The following CNTN5 variants were observed in gnomAD, a reference collection of about 807,000 sequenced individuals.
CNTN5 encodes the protein contactin 5.
A neutral mutation model predicts 129.1 loss-of-function variants in CNTN5; 77 were observed. The observed-to-expected ratio is 0.60, with a 90% CI of 0.50 to 0.72. The LOEUF (loss-of-function observed/expected upper bound fraction) is 0.72, where lower values mean the gene tolerates loss of function less well. Among genes scored for constraint, CNTN5 ranks in the 30% least tolerant of loss-of-function variants. The probability of loss-of-function intolerance (pLI) is 0.00; values close to 1 mark genes in which losing one functional copy is unlikely to be tolerated. For missense variants in CNTN5, 1,478 were observed against 1,328.8 expected, an observed-to-expected ratio of 1.11 and a Z score of -1.75; for synonymous variants, 509 against 465.6, an observed-to-expected ratio of 1.09 and a Z score of -1.20.
intron 21 of CNTN5, among the ~76,000 whole-genome samples, chr11:100,315,133 T>C (rs569522505): frequency 1.3e-5 from 2 of 152,256 alleles, no homozygotes; most frequent in Non-Finnish European, 2.9e-5. Flanking sequence ...GTTTTGATAA[T>C]CTTTTCCCTG....
intron 6 of CNTN5, among the ~76,000 whole-genome samples, chr11:99,904,924 G>A (rs1415727447): frequency 6.6e-6 from 1 of 152,200 alleles, no homozygotes; most frequent in East Asian, 1.9e-4. Flanking sequence ...ATGTTTGTCG[G>A]CTGCATAAAT....
chr11:100,111,311 T>A (rs1945651944), intron 13 of CNTN5, among the ~76,000 whole-genome samples: 1 of 152,022 alleles, frequency 6.6e-6, no homozygotes, highest in Non-Finnish European at 1.5e-5. Context: ...CTTTAGACAG[T>A]GAAAAAATGG....
intron 15 of CNTN5, among the ~76,000 whole-genome samples, chr11:100,214,674 A>G (rs923425660): frequency 6.6e-6 from 1 of 152,136 alleles, no homozygotes; most frequent in African/African-American, 2.4e-5. Context: ...TAGTAGTGTC[A>G]TCATGACCCT....
At chr11:99,793,405 C>T (rs377078365) in intron 3 of CNTN5, among the ~76,000 whole-genome samples, 1 of 151,488 alleles carries the variant, frequency 6.6e-6, no homozygotes, top group East Asian at 2.0e-4. Flanking sequence ...GTTTATTAAT[C>T]TTCTGTATGG....
intron 3 of CNTN5, among the ~76,000 whole-genome samples, chr11:99,647,976 G>A (rs1185403062): frequency 2.0e-5 from 3 of 151,786 alleles, no homozygotes. Flanking sequence ...GGTCTACACA[G>A]ATAATTTAAC....
chr11:99,834,602 C>T (rs1012243818), intron 4 of CNTN5, among the ~76,000 whole-genome samples: 6 of 152,112 alleles, frequency 3.9e-5, no homozygotes, highest in East Asian at 3.9e-4. Context: ...AAGAATTACC[C>T]GTAGGTAGTT....
chr11:99,798,830 A>G (rs1020886737), intron 3 of CNTN5, among the ~76,000 whole-genome samples: 16 of 152,290 alleles, frequency 1.1e-4, no homozygotes, highest in African/African-American at 3.6e-4. Context: ...TAGGAATAGC[A>G]TTGAATTTGC....
intron 13 of CNTN5, among the ~76,000 whole-genome samples, chr11:100,084,531 A>C (rs535925285): frequency 6.6e-6 from 1 of 152,292 alleles, no homozygotes; most frequent in Admixed American, 6.5e-5. Flanking sequence ...AGGTTTGGTT[A>C]CAAATTAAAG....
chr11:100,297,853 C>T (rs1951128984), intron 19 of CNTN5, among the ~76,000 whole-genome samples, 158 bp downstream of exon 19: 1 of 151,458 alleles, frequency 6.6e-6, no homozygotes, highest in South Asian at 2.1e-4. Context: ...GCCACGTTAC[C>T]CTGGTTATCT....
At chr11:100,170,670 G>A (rs1437511507) in intron 13 of CNTN5, among the ~76,000 whole-genome samples, 1 of 151,888 alleles carries the variant, frequency 6.6e-6, no homozygotes, top group African/African-American at 2.4e-5. Context: ...ATTCTTGCGT[G>A]TCATCCATAG....
intron 11 of CNTN5, 94 bp from the exon 12 acceptor site, chr11:100,071,611 G>A: frequency 1.1e-6 from 1 of 894,290 alleles, no homozygotes; most frequent in Admixed American, 3.5e-5. Flanking sequence ...TGTATTAATT[G>A]CAAACTTGTT....
At chr11:99,070,355 G>A (rs1396725411) in intron 1 of CNTN5, among the ~76,000 whole-genome samples, 1 of 152,082 alleles carries the variant, frequency 6.6e-6, no homozygotes, top group African/African-American at 2.4e-5. Flanking sequence ...TCTGTGTTCA[G>A]AAATAATGTT....
At chr11:100,277,169 GCT>G (rs1175648193) in intron 18 of CNTN5, among the ~76,000 whole-genome samples, 1 of 152,056 alleles carries the variant, frequency 6.6e-6, no homozygotes, top group Non-Finnish European at 1.5e-5. Context: ...CTTTTGTATG[GCT>G]CAATAATACT....
At chr11:99,941,632 A>T (rs1950440074) in intron 7 of CNTN5, among the ~76,000 whole-genome samples, 1 of 152,032 alleles carries the variant, frequency 6.6e-6, no homozygotes, top group Admixed American at 6.6e-5. Context: ...GATTATTGAT[A>T]GTTCTAGTTA....
intron 15 of CNTN5, among the ~76,000 whole-genome samples, chr11:100,220,525 G>A (rs1418731619): frequency 6.6e-6 from 1 of 152,000 alleles, no homozygotes; most frequent in African/African-American, 2.4e-5. Flanking sequence ...ATAAAGCTAG[G>A]TATTTCCATA....
chr11:99,957,078 G>GTTTT, intron 8 of CNTN5, 69 bp downstream of exon 8: 1 of 1,149,864 alleles, frequency 8.7e-7, no homozygotes, highest in Admixed American at 3.0e-5. Flanking sequence ...ATTAGTGTGT[G>GTTTT]TTTTTTTTTT....
intron 1 of CNTN5, among the ~76,000 whole-genome samples, chr11:99,050,894 AATT>A (rs781292814): frequency 4.5e-4 from 69 of 152,038 alleles, no homozygotes; most frequent in Non-Finnish European, 6.8e-4. Flanking sequence ...AGTCTATAAC[AATT>A]ATTATGTATG....
intron 13 of CNTN5, among the ~76,000 whole-genome samples, chr11:100,130,210 A>G (rs945513015): frequency 6.6e-6 from 1 of 152,176 alleles, no homozygotes; most frequent in Admixed American, 6.6e-5. Flanking sequence ...TCAAAGACAC[A>G]GTCATTTGAA....
intron 8 of CNTN5, among the ~76,000 whole-genome samples, chr11:99,975,765 A>C (rs1296368759): frequency 6.6e-6 from 1 of 152,116 alleles, no homozygotes; most frequent in African/African-American, 2.4e-5. Flanking sequence ...TTACAATTTG[A>C]GATGAGATTT....
Sources: allele counts gnomAD v4.1 joint callset (sites outside exome capture counted in the v4.1 genomes callset), GRCh38; gene constraint gnomAD v4.1.1; transcripts MANE v1.5; gene names NCBI Gene and HGNC (gene_info 2026-07-23, HGNC 2026-07-21).